PPARGC1B: variants seen among roughly 807,000 people sequenced by gnomAD.
The protein encoded by PPARGC1B is PPARG coactivator 1 beta, also known as peroxisome proliferator-activated receptor gamma coactivator 1-beta.
In PPARGC1B, 34 loss-of-function variants were observed where a neutral mutation model predicts 101.6. That is an observed-to-expected ratio of 0.33 (90% CI 0.25 to 0.45). The LOEUF is 0.45. PPARGC1B is among the 20% of genes least tolerant of loss of function. The pLI is 1.00. For missense variants in PPARGC1B, 1,234 were observed against 1,317.6 expected (o/e 0.94, Z 0.98); for synonymous variants, 548 against 539.3 (o/e 1.02, Z -0.22).
chr5:149,743,717 C>G (rs1177281454), intron 1 of PPARGC1B, among the ~76,000 whole-genome samples: 1 of 152,122 alleles, frequency 6.6e-6, no homozygotes, highest in Non-Finnish European at 1.5e-5. Context: ...AGCATTGTAC[C>G]AGTCCCCACA....
chr5:149,809,289 CATAGATAGATAGATAG>C lies in PPARGC1B; in HGVS notation c.79-11109_79-11094del, dbSNP rs202133455. 2.3e-4 allele frequency among the ~76,000 whole-genome samples: 3 copies of C among 12,854 alleles called. 1 individual carries two copies. Among genetic ancestry groups the C allele is most frequent in the Non-Finnish European group, 5.1e-4 (3 of 5,854 alleles). The allele number at this position is 12,854 out of a possible 152,430, so 8.4% of individuals were successfully genotyped here. On this transcript the variant is annotated intron_variant, in intron 1 of 11. Transcript: ENST00000309241. The stretch of plus-strand genomic sequence containing the variant: ...GATAGATAGATAGATCCATCTCTAC[CATAGATAGATAGATAG>C]ATAGATAGATAGATAGATAGATAGA...
intron 1 of PPARGC1B, among the ~76,000 whole-genome samples, chr5:149,797,233 G>C (rs1011868096): frequency 1.3e-5 from 2 of 152,220 alleles, no homozygotes; most frequent in Non-Finnish European, 2.9e-5. Flanking sequence ...CATTGACAGT[G>C]TGCCAGGCAC....
intron 7 of PPARGC1B, 49 bp from the exon 8 acceptor site, chr5:149,836,214 T>C (rs1417435629): frequency 6.9e-7 from 1 of 1,455,264 alleles, no homozygotes; most frequent in Admixed American, 2.3e-5. Flanking sequence ...TAGTGTCCCT[T>C]GGAGAAGTGA....
At chr5:149,775,958 T>G (rs531547798) in intron 1 of PPARGC1B, among the ~76,000 whole-genome samples, 40 of 152,066 alleles carry the variant, frequency 2.6e-4, no homozygotes, top group South Asian at 1.0e-3. Context: ...CAAATTCTTA[T>G]GACATAACCA....
At chr5:149,802,640 C>T (rs1431634828) in intron 1 of PPARGC1B, among the ~76,000 whole-genome samples, 1 of 150,956 alleles carries the variant, frequency 6.6e-6, no homozygotes, top group African/African-American at 2.4e-5. Flanking sequence ...CACACAGAGC[C>T]CTCATGACAC....
chr5:149,810,190 A>G (rs1156742033), intron 1 of PPARGC1B, among the ~76,000 whole-genome samples: 1 of 152,280 alleles, frequency 6.6e-6, no homozygotes, highest in Non-Finnish European at 1.5e-5. Flanking sequence ...TTTGAATTCA[A>G]GAGGCCCTTG....
chr5:149,808,968 C>T (rs1242719427), intron 1 of PPARGC1B, among the ~76,000 whole-genome samples: 1 of 152,112 alleles, frequency 6.6e-6, no homozygotes, highest in Non-Finnish European at 1.5e-5. Flanking sequence ...TGCCACTGAA[C>T]TGCACACTTA....
At chr5:149,768,024 T>A (rs1755981496) in intron 1 of PPARGC1B, among the ~76,000 whole-genome samples, 1 of 151,656 alleles carries the variant, frequency 6.6e-6, no homozygotes, top group Admixed American at 6.6e-5. Flanking sequence ...CTGGGGGTGA[T>A]GGGAGATAGT....
intron 3 of PPARGC1B, among the ~76,000 whole-genome samples, 196 bp downstream of exon 3, chr5:149,827,081 T>C (rs1381099214): frequency 6.6e-6 from 1 of 152,068 alleles, no homozygotes; most frequent in Non-Finnish European, 1.5e-5. Flanking sequence ...TAGACAGAGG[T>C]ACTAACGACA....
intron 6 of PPARGC1B, among the ~76,000 whole-genome samples, chr5:149,834,919 G>A (rs1159075683): frequency 6.6e-6 from 1 of 152,218 alleles, no homozygotes; most frequent in Non-Finnish European, 1.5e-5. Flanking sequence ...CCAGAGGAAA[G>A]GCCTCAGGCC....
At chr5:149,747,880 T>C (rs1335027702) in intron 1 of PPARGC1B, among the ~76,000 whole-genome samples, 1 of 152,088 alleles carries the variant, frequency 6.6e-6, no homozygotes, top group Non-Finnish European at 1.5e-5. Context: ...GGAAGCTGCT[T>C]TGCCAGAGGC....
chr5:149,827,726 C>T (rs561314023), intron 3 of PPARGC1B, among the ~76,000 whole-genome samples: 11 of 152,090 alleles, frequency 7.2e-5, no homozygotes, highest in Non-Finnish European at 1.6e-4. Flanking sequence ...TGAGCGTGTG[C>T]GGAATGTGGA....
At chr5:149,830,695 G>A (rs1758745971) in intron 3 of PPARGC1B, 72 bp from the exon 4 acceptor site, 8 of 1,118,574 alleles carry the variant, frequency 7.2e-6, no homozygotes. Flanking sequence ...AGTCCTGAGG[G>A]GCTGGCCATG....
At chr5:149,775,048 T>G (rs993101776) in intron 1 of PPARGC1B, among the ~76,000 whole-genome samples, 3 of 152,072 alleles carry the variant, frequency 2.0e-5, no homozygotes, top group Non-Finnish European at 2.9e-5. Context: ...GCTTCCCCCT[T>G]CTCCCTTTGG....
chr5:149,844,626 C>T (rs753266834), intron 10 of PPARGC1B, among the ~76,000 whole-genome samples: 7 of 152,126 alleles, frequency 4.6e-5, no homozygotes, highest in African/African-American at 4.8e-5. Flanking sequence ...GGTGACAGAG[C>T]GAGACTCTGT....
At chr5:149,826,613 AGG>A in intron 2 of PPARGC1B, 58 bp from the exon 3 acceptor site, 1 of 1,319,964 alleles carries the variant, frequency 7.6e-7, no homozygotes, top group Non-Finnish European at 1.1e-6. Flanking sequence ...ACTGAGTCTA[AGG>A]TGGTGACTAA....
chr5:149,818,521 A>G (rs759658076), intron 1 of PPARGC1B, among the ~76,000 whole-genome samples: 1 of 152,192 alleles, frequency 6.6e-6, no homozygotes, highest in Non-Finnish European at 1.5e-5. Context: ...GATTCTTGCA[A>G]AATGCCAATT....
At chr5:149,732,726 G>A (rs574923435) in intron 1 of PPARGC1B, 15 of 460,696 alleles carry the variant, frequency 3.3e-5, no homozygotes, top group African/African-American at 2.6e-4. Context: ...ACCTGGGCGG[G>A]CCCAGTGTGC....
chr5:149,832,248 G>A lies in PPARGC1B; in HGVS notation c.583-408G>A, dbSNP rs1357415622. Among the ~76,000 whole-genome samples, 1 of 152,224 alleles carries A rather than the reference G, an allele frequency of 6.6e-6. No individual in the cohort carries two copies. Among genetic ancestry groups the A allele is most frequent in the Non-Finnish European group, 1.5e-5 (1 of 68,052 alleles). ...CGCTTGAACCTGGGAAGCAGAGGTTGCAGTGGGCCGAGATCGATGAATCCC... is the reference window on the plus strand; with the variant it reads ...CGCTTGAACCTGGGAAGCAGAGGTTACAGTGGGCCGAGATCGATGAATCCC... On this transcript the variant is annotated intron_variant, in intron 4 of 11. Transcript: ENST00000309241. The surrounding 1 kb of genome is among the most constrained non-coding windows in gnomAD (Gnocchi z 4.9).
Sources: allele counts gnomAD v4.1 joint callset (sites outside exome capture counted in the v4.1 genomes callset), GRCh38; gene constraint gnomAD v4.1.1; non-coding constraint Gnocchi (gnomAD v3.1); transcripts MANE v1.5; gene names NCBI Gene and HGNC (gene_info 2026-07-23, HGNC 2026-07-21).